HSPA9: variants seen among roughly 807,000 people sequenced by gnomAD.
HSPA9 encodes heat shock protein family A (Hsp70) member 9.
In HSPA9, 28 loss-of-function variants were observed where a neutral mutation model predicts 81.5. That is an observed-to-expected ratio of 0.34 (90% CI 0.25 to 0.47). The LOEUF is 0.47. HSPA9 is among the 20% of genes least tolerant of loss of function. The pLI is 1.00. For synonymous variants in HSPA9, 293 were observed against 290.4 expected (o/e 1.01, Z -0.09); for missense variants, 678 against 838.0 (o/e 0.81, Z 2.36).
At chr5:138,572,362 C>A (rs1358258091) in intron 3 of HSPA9, among the ~76,000 whole-genome samples, 2 of 152,156 alleles carry the variant, frequency 1.3e-5, no homozygotes, top group Admixed American at 1.3e-4. Context: ...GGTAGGACTA[C>A]TAATTTACTA....
At chr5:138,570,715 CT>C in intron 4 of HSPA9, 1 of 443,374 alleles carries the variant, frequency 2.3e-6, no homozygotes, top group Non-Finnish European at 4.2e-6. Flanking sequence ...GAACTCCTGA[CT>C]TCAGGTGATC....
intron 1 of HSPA9, 72 bp downstream of exon 1, chr5:138,575,166 G>T: frequency 9.3e-7 from 1 of 1,072,342 alleles, no homozygotes; most frequent in Non-Finnish European, 1.4e-6. Context: ...AGGGCGCGCG[G>T]CCTGCCGCAG....
rs563803790 is a variant in HSPA9, at chr5:138,571,025, A to G, written c.345T>C (p.Asn115=). The G allele has an allele frequency of 6.2e-7, 1 of 1,614,108 alleles. No homozygotes were observed. Among genetic ancestry groups the G allele is most frequent in the African/African-American group, 1.3e-5 (1 of 75,012 alleles). The change falls in exon 4 of 17, where the codon AAT becomes AAC. Residue 115 remains asparagine (N), a synonymous_variant. Transcript: ENST00000297185. The stretch of plus-strand genomic sequence containing the variant: ...TGAGACGCTTGGTAGCATAAAATGT[A>G]TTGTTTGGGTTGGTGACAGCCTGTC... ...AKRQAVTNPN[N]TFYATKRLIG...
At chr5:138,566,862 GA>G (rs553642845) in intron 8 of HSPA9, 138 bp downstream of exon 8, 103 of 1,157,910 alleles carry the variant, frequency 8.9e-5, no homozygotes, top group South Asian at 1.2e-4. Context: ...AATGTGTAGG[GA>G]AAAAAAATAT....
intron 12 of HSPA9, 151 bp from the exon 13 acceptor site, chr5:138,558,137 A>G (rs897128920): frequency 5.5e-5 from 38 of 689,006 alleles, no homozygotes; most frequent in Non-Finnish European, 7.3e-5. Flanking sequence ...TATAAGCAAC[A>G]GTAGTAGTTC....
rs563959733 is a variant in HSPA9 at position 138,556,312 on chromosome 5, A to C, written c.1962+140T>G. On this transcript the variant is annotated intron_variant, in intron 16 of 16. Coordinates refer to ENST00000297185, the MANE Select transcript of HSPA9 (RefSeq NM_004134.7). ...CTAACTCCAATGCCAAAGTAGAGTC[A>C]AGACGGCAGGAGACTATCTCCCAAC... 5.4e-4 allele frequency: 641 copies of C among 1,188,686 alleles called. 1 individual carries two copies. Among genetic ancestry groups the C allele is most frequent in the Non-Finnish European group, 7.5e-4 (609 of 806,740 alleles). 73.6% of individuals were successfully genotyped at this position (1,188,686 alleles called of 1,614,324 possible).
intron 9 of HSPA9, among the ~76,000 whole-genome samples, chr5:138,563,915 G>A (rs778266288): frequency 1.3e-5 from 2 of 152,072 alleles, no homozygotes; most frequent in Non-Finnish European, 1.5e-5. Flanking sequence ...ACCAACAACC[G>A]ACCCCAATCT....
intron 9 of HSPA9, among the ~76,000 whole-genome samples, chr5:138,564,498 A>G (rs550514737): frequency 6.6e-6 from 1 of 152,320 alleles, no homozygotes; most frequent in Admixed American, 6.5e-5. Context: ...CTTGGGCTCA[A>G]AAGATTCTTG....
chr5:138,562,172 C>T (rs1185430201), intron 9 of HSPA9, among the ~76,000 whole-genome samples: 9 of 150,544 alleles, frequency 6.0e-5, no homozygotes, highest in Non-Finnish European at 1.0e-4. Context: ...CTCTTGACCT[C>T]GTGATCCGCC....
In HSPA9 at chr5:138,557,922, T is replaced by C. The variant is rs1255327269; in HGVS notation, c.1580A>G (p.Asn527Ser). The C allele has an allele frequency of 5.0e-6, 8 of 1,611,962 alleles. No homozygotes were observed. Among genetic ancestry groups the C allele is most frequent in the Non-Finnish European group, 6.8e-6 (8 of 1,179,672 alleles). ...TTTAGCAGAAACATGTACTATCCCA[T>C]TGGCATCAATGTCAAATGTAACTTC... is the stretch of plus-strand genomic sequence containing the variant. The part of the protein sequence containing the change: ...QIEVTFDIDA[N>S]GIVHVSAKDK... Residue 527 changes from asparagine to serine, a missense_variant, in exon 13 of 17, where the codon AAT becomes AGT. This residue lies in a region of HSPA9 where 484 missense variants were observed against 647.5 expected (regional missense o/e 0.75). Transcript: ENST00000297185.
At chr5:138,563,866 A>C (rs1750707719) in intron 9 of HSPA9, among the ~76,000 whole-genome samples, 1 of 152,240 alleles carries the variant, frequency 6.6e-6, no homozygotes, top group African/African-American at 2.4e-5. Flanking sequence ...TCTAGGCTGC[A>C]GGTTGGACAA....
intron 9 of HSPA9, among the ~76,000 whole-genome samples, chr5:138,562,589 T>G (rs1223610300): frequency 2.0e-5 from 3 of 152,100 alleles, no homozygotes; most frequent in Admixed American, 2.0e-4. Flanking sequence ...TCCCCAGAGA[T>G]AAGCACTATA....
At position 138,575,338 on chromosome 5, in the gene HSPA9, A is replaced by T; in HGVS notation, c.-20T>A. The T allele has an allele frequency of 6.2e-7, 1 of 1,601,290 alleles. No homozygotes were observed. Among genetic ancestry groups the T allele is most frequent in the Non-Finnish European group, 8.5e-7 (1 of 1,170,526 alleles). ...TATCATGGCGGATAAATGGAGGAGT[A>T]CGAGGCAGCAAACAAGCGCTCCGAC... is the stretch of plus-strand genomic sequence containing the variant. On this transcript the variant is annotated 5_prime_UTR_variant, in exon 1 of 17. Transcript: ENST00000297185.
chr5:138,556,985 G>A, intron 14 of HSPA9, 119 bp from the exon 15 acceptor site: 1 of 775,262 alleles, frequency 1.3e-6, no homozygotes, highest in Non-Finnish European at 2.3e-6. Flanking sequence ...AGAGTAAGAG[G>A]GAGAAATCAG....
chr5:138,571,812 T>TGTGTGTGTG (rs1750901633), intron 3 of HSPA9, among the ~76,000 whole-genome samples: 2 of 146,178 alleles, frequency 1.4e-5, no homozygotes, highest in South Asian at 2.2e-4. Flanking sequence ...CCAACTAATT[T>TGTGTGTGTG]TGTGTGTGTG....
At chr5:138,556,892 A>AGGCCGGGCGCGGTGGCTC in intron 14 of HSPA9, 26 bp from the exon 15 acceptor site, 1 of 1,544,806 alleles carries the variant, frequency 6.5e-7, no homozygotes, top group Non-Finnish European at 8.9e-7. Context: ...AGTTTAAACG[A>AGGCCGGGCGCGGTGGCTC]AGACTTTCCA....
At chr5:138,575,178 G>A (rs1180479052) in intron 1 of HSPA9, 60 bp downstream of exon 1, 18 of 1,225,246 alleles carry the variant, frequency 1.5e-5, no homozygotes, top group African/African-American at 4.5e-5. Context: ...CTGCCGCAGC[G>A]AAGCCCGAGG....
Position 138,575,253 on chromosome 5 carries a change from C to T in HSPA9, c.66G>A (p.Thr22=). ...AGTTCCTCACCTGGTGGCGGGCGGC[C>T]GTAGGGCCCCGGGAGGCTGCGGCGC... ...LVGAAASRGP[T]AARHQDSWNG... The change falls in exon 1 of 17, where the codon ACG becomes ACA. Residue 22 remains threonine (T), a synonymous_variant. Coordinates refer to ENST00000297185, the MANE Select transcript of HSPA9 (RefSeq NM_004134.7). The T allele has an allele frequency of 6.2e-7, 1 of 1,606,714 alleles. No individual in the cohort carries two copies. The highest frequency in any genetic ancestry group is 8.5e-7 in the Non-Finnish European group (1 of 1,177,540).
intron 9 of HSPA9, 65 bp downstream of exon 9, chr5:138,566,561 A>T: frequency 4.4e-6 from 5 of 1,129,220 alleles, no homozygotes; most frequent in Non-Finnish European, 6.8e-6. Flanking sequence ...AGAAAATACT[A>T]TTTATTTTAA....
Sources: gnomAD v4.1 joint callset for allele counts (sites outside exome capture counted in the v4.1 genomes callset) on GRCh38, gnomAD v4.1.1 for gene constraint, gnomAD v4.1.1 regional missense constraint, MANE v1.5 for transcripts, NCBI Gene and HGNC (gene_info 2026-07-23, HGNC 2026-07-21) for gene names.